GCNT1: variants seen among roughly 807,000 people sequenced by gnomAD.
GCNT1 encodes glucosaminyl (N-acetyl) transferase 1.
GCNT1 carries 16 observed loss-of-function variants against 26.2 expected under a neutral mutation model. The observed-to-expected ratio is 0.61, with a 90% CI of 0.41 to 0.93. The LOEUF is 0.93. GCNT1 is among the 40% of genes least tolerant of loss of function. The probability of loss-of-function intolerance (pLI) is 0.00; values close to 1 mark genes in which losing one functional copy is unlikely to be tolerated. For missense variants in GCNT1, 477 were observed against 526.7 expected (o/e 0.91, Z 0.92); for synonymous variants, 183 against 190.8 (o/e 0.96, Z 0.34).
intron 2 of GCNT1, among the ~76,000 whole-genome samples, chr9:76,498,628 C>A (rs1824972576): frequency 6.6e-6 from 1 of 151,970 alleles, no homozygotes; most frequent in African/African-American, 2.4e-5. Flanking sequence ...TAGAAATTAG[C>A]CAGGTGTGGG....
At chr9:76,447,817 T>G (rs946524540) in intron 1 of GCNT1, among the ~76,000 whole-genome samples, 2 of 152,228 alleles carry the variant, frequency 1.3e-5, no homozygotes, top group African/African-American at 4.8e-5. Context: ...GGCTCATCCG[T>G]CTTCTTTAGC....
At chr9:76,476,876 A>G (rs1824264722) in intron 2 of GCNT1, among the ~76,000 whole-genome samples, 1 of 152,056 alleles carries the variant, frequency 6.6e-6, no homozygotes, top group South Asian at 2.1e-4. Flanking sequence ...TTATTCTAAT[A>G]TATTGTTCTT....
chr9:76,431,137 A>C (rs1823331385), intron 1 of GCNT1, among the ~76,000 whole-genome samples: 1 of 152,240 alleles, frequency 6.6e-6, no homozygotes, highest in Non-Finnish European at 1.5e-5. Flanking sequence ...CAGAGGGAGG[A>C]AAGTAAATGA....
At chr9:76,445,674 T>A (rs544099205) in intron 1 of GCNT1, among the ~76,000 whole-genome samples, 19 of 151,812 alleles carry the variant, frequency 1.3e-4, no homozygotes, top group African/African-American at 4.6e-4. Context: ...TTATTAGAAT[T>A]GGCAAAGATA....
At chr9:76,444,272 G>T (rs1351594458) in intron 1 of GCNT1, among the ~76,000 whole-genome samples, 1 of 152,198 alleles carries the variant, frequency 6.6e-6, no homozygotes, top group Non-Finnish European at 1.5e-5. Context: ...CCAGACTAGA[G>T]ATAGAAATCA....
upstream of GCNT1, among the ~76,000 whole-genome samples, chr9:76,417,471 A>C (rs1328083958): frequency 6.6e-6 from 1 of 152,256 alleles, no homozygotes; most frequent in Non-Finnish European, 1.5e-5. Context: ...ATTACTCAGT[A>C]AGGAGTAACT....
the GCNT1 span, among the ~76,000 whole-genome samples, chr9:76,397,777 A>C: frequency 2.6e-5 from 4 of 152,190 alleles, no homozygotes; most frequent in Non-Finnish European, 5.9e-5. Context: ...TGACTGAAGA[A>C]TAAACCCTCC....
At chr9:76,488,564 A>C (rs896977577) in intron 2 of GCNT1, among the ~76,000 whole-genome samples, 4 of 152,232 alleles carry the variant, frequency 2.6e-5, no homozygotes, top group East Asian at 1.9e-4. Flanking sequence ...CGCTCACTAC[A>C]ACCTCTTCCT....
At chr9:76,495,084 A>C (rs767006569) in intron 2 of GCNT1, among the ~76,000 whole-genome samples, 1 of 152,162 alleles carries the variant, frequency 6.6e-6, no homozygotes, top group Non-Finnish European at 1.5e-5. Context: ...TAGCCACCGA[A>C]TTCTAAGGAA....
At chr9:76,426,986 A>C (rs7861089) in intron 1 of GCNT1, among the ~76,000 whole-genome samples, 45,226 of 152,088 alleles carry the variant, frequency 0.3, 6,929 homozygotes, top group East Asian at 0.38. Flanking sequence ...TCATAAGTTA[A>C]AGTCCTAACC....
At chr9:76,444,627 G>A (rs554398680) in intron 1 of GCNT1, among the ~76,000 whole-genome samples, 3 of 152,178 alleles carry the variant, frequency 2.0e-5, no homozygotes, top group Non-Finnish European at 4.4e-5. Flanking sequence ...CTAGAGGCAC[G>A]GGACTAAGCA....
At chr9:76,407,890 T>A in the GCNT1 span, among the ~76,000 whole-genome samples, 21 of 152,342 alleles carry the variant, frequency 1.4e-4, no homozygotes, top group African/African-American at 4.8e-4. Flanking sequence ...ATAAATGGTA[T>A]TGATATTATG....
chr9:76,398,100 A>T, the GCNT1 span, among the ~76,000 whole-genome samples: 1 of 152,260 alleles, frequency 6.6e-6, no homozygotes, highest in Admixed American at 6.5e-5. Flanking sequence ...GCCTGTAGGG[A>T]AAGAGTCCAC....
intron 2 of GCNT1, among the ~76,000 whole-genome samples, chr9:76,470,194 AT>A: frequency 6.6e-6 from 1 of 152,146 alleles, no homozygotes; most frequent in African/African-American, 2.4e-5. Flanking sequence ...ATATACATAT[AT>A]TTATAAATAA....
the GCNT1 span, among the ~76,000 whole-genome samples, chr9:76,397,097 C>T: frequency 6.6e-6 from 1 of 152,204 alleles, no homozygotes; most frequent in African/African-American, 2.4e-5. Flanking sequence ...GCCTGGACAA[C>T]ATGGCAAAAC....
At chr9:76,459,583 G>A (rs796285737) in intron 1 of GCNT1, among the ~76,000 whole-genome samples, 9 of 152,340 alleles carry the variant, frequency 5.9e-5, no homozygotes, top group African/African-American at 2.2e-4. Flanking sequence ...CCCCTGGTCC[G>A]TGTAGCTTAG....
intron 2 of GCNT1, among the ~76,000 whole-genome samples, chr9:76,491,771 G>A (rs1196106490): frequency 6.6e-6 from 1 of 152,140 alleles, no homozygotes; most frequent in Non-Finnish European, 1.5e-5. Context: ...TGCTCAACTG[G>A]TTCCCCATCC....
chr9:76,460,756 A>G (rs980041367), intron 2 of GCNT1, among the ~76,000 whole-genome samples: 1 of 152,216 alleles, frequency 6.6e-6, no homozygotes, highest in African/African-American at 2.4e-5. Flanking sequence ...TTTACTTTTA[A>G]AAAGTTTTAT....
chr9:76,471,261 G>A (rs562823401), intron 2 of GCNT1, among the ~76,000 whole-genome samples: 3 of 152,236 alleles, frequency 2.0e-5, no homozygotes, highest in South Asian at 2.1e-4. Flanking sequence ...CCTGACCTCA[G>A]ATGATTTGCC....
Sources: allele counts gnomAD v4.1 joint callset (sites outside exome capture counted in the v4.1 genomes callset), GRCh38; gene constraint gnomAD v4.1.1; transcripts MANE v1.5; gene names NCBI Gene and HGNC (gene_info 2026-07-23, HGNC 2026-07-21).